Variants in BAZ1A observed in about 807,000 individuals in gnomAD.
BAZ1A encodes the protein bromodomain adjacent to zinc finger domain protein 1A.
Under a neutral mutation model 185.2 loss-of-function variants are expected in BAZ1A, and 50 were observed. That is an observed-to-expected ratio of 0.27 (90% CI 0.22 to 0.34). BAZ1A has a LOEUF of 0.34. Ranked by LOEUF, BAZ1A falls within the 10% of genes least tolerant of loss-of-function variation. BAZ1A has a pLI of 1.00. For missense variants in BAZ1A, 1,356 were observed against 1,839.9 expected (o/e 0.74, Z 4.81); for synonymous variants, 571 against 615.6 (o/e 0.93, Z 1.07).
At chr14:34,817,120 A>G (rs1282451118) in intron 4 of BAZ1A, among the ~76,000 whole-genome samples, 1 of 152,168 alleles carries the variant, frequency 6.6e-6, no homozygotes, top group African/African-American at 2.4e-5. Context: ...TATATAACAA[A>G]ATATTGTTTC....
rs749625876 is a variant in BAZ1A, at chr14:34,776,444, G to A, written c.2308C>T (p.Leu770Phe). 4 of 1,613,944 alleles carry A rather than the reference G, an allele frequency of 2.5e-6. No individual in the cohort carries two copies. The highest frequency in any genetic ancestry group is 2.5e-6 in the Non-Finnish European group (3 of 1,180,018). Reference protein sequence around the residue: ...EQINCVTREPLTADEEEALKQ... With the variant: ...EQINCVTREPFTADEEEALKQ... The stretch of plus-strand genomic sequence containing the variant: ...AATGCTTCTTCCTCATCAGCAGTAA[G>A]AGGCTCTCTTGTTACACAGTTGATC... The change falls in exon 18 of 27, where the codon CTT (leucine) becomes TTT (phenylalanine). Residue 770 changes from leucine to phenylalanine, a missense_variant. Transcript: ENST00000360310.
intron 3 of BAZ1A, among the ~76,000 whole-genome samples, chr14:34,832,211 CACACATAT>C (rs2042255224): frequency 6.1e-5 from 4 of 65,444 alleles, no homozygotes; most frequent in African/African-American, 2.0e-4. Flanking sequence ...CACACACACA[CACACATAT>C]ATATATATAT....
At chr14:34,792,397 T>A (rs1451589470) in intron 12 of BAZ1A, among the ~76,000 whole-genome samples, 1 of 149,240 alleles carries the variant, frequency 6.7e-6, no homozygotes, top group Non-Finnish European at 1.5e-5. Context: ...AAAAAAAAAG[T>A]ATTTCCTTAG....
chr14:34,845,537 G>A (rs2042495881), intron 3 of BAZ1A, among the ~76,000 whole-genome samples: 1 of 152,064 alleles, frequency 6.6e-6, no homozygotes, highest in Non-Finnish European at 1.5e-5. Flanking sequence ...ATTATTTCAA[G>A]TTTATCTATG....
intron 3 of BAZ1A, among the ~76,000 whole-genome samples, chr14:34,858,215 T>C (rs1304970393): frequency 3.9e-5 from 6 of 151,960 alleles, no homozygotes; most frequent in Admixed American, 3.9e-4. Context: ...TCCTCGAAAA[T>C]GGTTAAGATG....
rs2138517830 is a variant in BAZ1A at position 34,754,869 on chromosome 14, T to C, written c.4432A>G (p.Ile1478Val). ...DIIKKPIALN[I>V]IREKVNKCEY... The stretch of plus-strand genomic sequence containing the variant: ...CACTTATTCACTTTTTCACGAATTA[T>C]ATTTAAGGCAATGGGCTTTTTGATG... Residue 1478 changes from isoleucine (I) to valine (V), a missense_variant, in exon 26 of 27, where the codon ATA becomes GTA. Coordinates refer to ENST00000360310, the MANE Select transcript of BAZ1A (RefSeq NM_013448.3). 1 of 1,604,734 alleles carries C rather than the reference T, an allele frequency of 6.2e-7. No individual in the cohort carries two copies. The highest frequency in any genetic ancestry group is 2.2e-5 in the East Asian group (1 of 44,486).
Position 34,785,696 on chromosome 14 carries a change from T to G in BAZ1A, c.1831+81A>C, listed in dbSNP as rs182607138. 1.3e-3 allele frequency: 1,503 copies of G among 1,179,826 alleles called. 17 individuals carry two copies. In the African/African-American group the frequency reaches 0.02, roughly 16 times the overall value. The allele number at this position is 1,179,826 out of a possible 1,614,324, so 73.1% of individuals were successfully genotyped here. A position where few individuals can be genotyped will look rare whatever the true frequency, so the allele number is the denominator to read the frequency against. On this transcript the variant is annotated intron_variant, in intron 14 of 26. Transcript: ENST00000360310. Reference sequence around the variant, plus strand: ...CTTTTAATACTGATTTATTGTAAAATTTCTCATCAGCTCCTTAGTTTTCTG... The same window carrying G: ...CTTTTAATACTGATTTATTGTAAAAGTTCTCATCAGCTCCTTAGTTTTCTG...
chr14:34,832,427 G>A (rs555368327), intron 3 of BAZ1A, among the ~76,000 whole-genome samples: 1 of 134,102 alleles, frequency 7.5e-6, no homozygotes. Context: ...AGAGATGGCA[G>A]AATATATGAA....
At chr14:34,757,606 G>A (rs868684066) in intron 25 of BAZ1A, among the ~76,000 whole-genome samples, 124 of 149,650 alleles carry the variant, frequency 8.3e-4, no homozygotes, top group African/African-American at 2.8e-3. Context: ...TGGAGGTTGC[G>A]GTGAGCCAAG....
chr14:34,831,424 T>C (rs1015847665), intron 3 of BAZ1A, among the ~76,000 whole-genome samples: 7 of 152,206 alleles, frequency 4.6e-5, no homozygotes, highest in African/African-American at 9.7e-5. Flanking sequence ...GGCAGCCATA[T>C]ATCCTGCTAC....
intron 5 of BAZ1A, 37 bp from the exon 6 acceptor site, chr14:34,807,575 A>G: frequency 6.8e-7 from 1 of 1,473,354 alleles, no homozygotes; most frequent in Non-Finnish European, 9.4e-7. Context: ...GGGTAGTGTT[A>G]GCATCAAAGA....
chr14:34,768,389 A>C (rs1366084817), intron 21 of BAZ1A, among the ~76,000 whole-genome samples: 2 of 152,218 alleles, frequency 1.3e-5, no homozygotes, highest in Non-Finnish European at 2.9e-5. Context: ...GAAACAGGTA[A>C]ACATAAGTTC....
intron 4 of BAZ1A, among the ~76,000 whole-genome samples, chr14:34,823,554 A>G (rs551993314): frequency 6.6e-6 from 1 of 151,842 alleles, no homozygotes; most frequent in South Asian, 2.1e-4. Context: ...CAGCTACTAG[A>G]GGGGCTGAGG....
At position 34,771,519 on chromosome 14, in the gene BAZ1A, G is replaced by A; in HGVS notation, c.3293C>T (p.Ala1098Val). The change falls in exon 21 of 27, where the codon GCT (alanine) becomes GTT (valine). Residue 1098 changes from alanine (A) to valine (V), a missense_variant. Ala to Val is a moderately conservative substitution (Grantham distance 64). Transcript: ENST00000360310. ...TAAAAACAGATACTTACCAAGTGGA[G>A]CTTTCAGAAAACGCCGCTCAATGCC... The part of the protein sequence containing the change: ...EQGIERRFLK[A>V]PLDASDSGRS... 1 of 1,606,206 alleles carries A rather than the reference G, an allele frequency of 6.2e-7. No homozygotes were observed. Among genetic ancestry groups the A allele is most frequent in the South Asian group, 1.1e-5 (1 of 88,426 alleles).
At chr14:34,850,890 C>T (rs1023566429) in intron 3 of BAZ1A, among the ~76,000 whole-genome samples, 3 of 152,022 alleles carry the variant, frequency 2.0e-5, no homozygotes, top group Non-Finnish European at 4.4e-5. Context: ...ACCCAAAGAA[C>T]GATAGGTAGA....
intron 6 of BAZ1A, among the ~76,000 whole-genome samples, chr14:34,804,756 A>G (rs1881763518): frequency 6.6e-6 from 1 of 152,190 alleles, no homozygotes; most frequent in Non-Finnish European, 1.5e-5. Flanking sequence ...CAAATATCAC[A>G]CTCATAAAGG....
At chr14:34,756,289 G>GT (rs1018083761) in intron 25 of BAZ1A, among the ~76,000 whole-genome samples, 6 of 149,660 alleles carry the variant, frequency 4.0e-5, no homozygotes, top group East Asian at 2.0e-4. Context: ...AATTTTTTGT[G>GT]TTTTTTTAGT....
In BAZ1A at chr14:34,763,315, CT is replaced by C. The variant is rs1012736681; in HGVS notation, c.3777-1093del. ...ACCTTGTTTAAAACAGATGGGGTGG[CT>C]CTATCTCAACTTCTCCAACTGTGGT... is the stretch of plus-strand genomic sequence containing the variant. On this transcript the variant is annotated intron_variant, in intron 23 of 26. Coordinates refer to ENST00000360310, the MANE Select transcript of BAZ1A (RefSeq NM_013448.3). Among the ~76,000 whole-genome samples, 5 of 152,054 alleles carry C rather than the reference CT, an allele frequency of 3.3e-5. No individual in the cohort carries two copies. The East Asian group carries it at 7.7e-4, about 23-fold the overall frequency.
chr14:34,843,595 A>G (rs1200618113), intron 3 of BAZ1A, among the ~76,000 whole-genome samples: 1 of 152,184 alleles, frequency 6.6e-6, no homozygotes, highest in Non-Finnish European at 1.5e-5. Context: ...TTGTAAGAGT[A>G]ATGTTTACTG....
Sources: allele counts gnomAD v4.1 joint callset (sites outside exome capture counted in the v4.1 genomes callset), GRCh38; gene constraint gnomAD v4.1.1; transcripts MANE v1.5; gene names NCBI Gene and HGNC (gene_info 2026-07-23, HGNC 2026-07-21).